The following DDHD2 variants were observed in gnomAD, a reference collection of about 807,000 sequenced individuals.
DDHD2 encodes the protein triacylglycerol hydrolase DDHD2.
Under a neutral mutation model 91.2 loss-of-function variants are expected in DDHD2, and 62 were observed. The ratio of observed to expected loss-of-function variants is 0.68; its 90% confidence interval spans 0.55 to 0.84. The LOEUF (loss-of-function observed/expected upper bound fraction) is 0.84, where lower values mean the gene tolerates loss of function less well. Ranked by LOEUF, DDHD2 falls within the 40% of genes least tolerant of loss-of-function variation. The probability of loss-of-function intolerance (pLI) is 0.00; values close to 1 mark genes in which losing one functional copy is unlikely to be tolerated. For synonymous variants in DDHD2, 271 were observed against 293.9 expected (o/e 0.92, Z 0.80); for missense variants, 740 against 846.9 (o/e 0.87, Z 1.57).
chr8:38,244,980 A>G (rs1472018874), intron 7 of DDHD2, among the ~76,000 whole-genome samples: 1 of 151,432 alleles, frequency 6.6e-6, no homozygotes, highest in Admixed American at 6.6e-5. Flanking sequence ...GTTGTCTATT[A>G]TATTTTTATA....
downstream of DDHD2, chr8:38,263,699 A>C (rs1010509525): frequency 1.0e-6 from 1 of 985,244 alleles, no homozygotes; most frequent in African/African-American, 1.7e-5. Context: ...AAACAGAATC[A>C]AAGTAATTTA....
chr8:38,253,064 C>G lies in DDHD2; in HGVS notation c.1828C>G (p.Gln610Glu). Residue 610 changes from glutamine to glutamate, a missense_variant, in exon 15 of 18, where the codon CAA becomes GAA. Coordinates refer to ENST00000397166, the MANE Select transcript of DDHD2 (RefSeq NM_015214.3). ...SFTRAPYPAL[Q>E]ASETPEETEA... Reference sequence around the variant, plus strand: ...TACCAGAGCTCCATACCCTGCCTTACAAGCTTCAGAAACACCAGAAGAAAC... The same window carrying G: ...TACCAGAGCTCCATACCCTGCCTTAGAAGCTTCAGAAACACCAGAAGAAAC... 2 of 1,614,182 alleles carry G rather than the reference C, an allele frequency of 1.2e-6. No homozygotes were observed. The highest frequency in any genetic ancestry group is 1.3e-5 in the African/African-American group (1 of 75,036).
chr8:38,233,322 A>G, intron 2 of DDHD2, 108 bp downstream of exon 2: 2 of 783,132 alleles, frequency 2.6e-6, no homozygotes, highest in South Asian at 1.9e-5. Context: ...AGATTTTTCC[A>G]GTTACATAAT....
intron 5 of DDHD2, among the ~76,000 whole-genome samples, chr8:38,239,579 C>T (rs1278988601): frequency 3.6e-5 from 5 of 138,150 alleles, no homozygotes; most frequent in African/African-American, 8.1e-5. Context: ...CCCAACTACT[C>T]GGGAGGCTGA....
chr8:38,264,842 T>A (rs1008638518), downstream of DDHD2: 19 of 1,594,448 alleles, frequency 1.2e-5, no homozygotes, highest in Non-Finnish European at 1.5e-5. Context: ...TAAGTAAGTA[T>A]AATAAGCTTT....
downstream of DDHD2, chr8:38,272,500 T>A (rs1011536266): frequency 6.6e-6 from 1 of 152,348 alleles, no homozygotes; most frequent in African/African-American, 2.4e-5. Context: ...CTTCTGATTC[T>A]TCCCTCGCAG....
At position 38,251,956 on chromosome 8, in the gene DDHD2, C is replaced by T. The variant is rs1806145723; in HGVS notation, c.1389C>T (p.Ile463=). 1 of 1,614,122 alleles carries T rather than the reference C, an allele frequency of 6.2e-7. No homozygotes were observed. The highest frequency in any genetic ancestry group is 1.7e-5 in the Admixed American group (1 of 60,010). The part of the protein sequence containing the change: ...PAPQPASGAN[I]PKESEFCSSS... Reference sequence around the variant, plus strand: ...CGCAGCCTGCTTCAGGGGCAAACATCCCCAAAGAATCTGAGTTCTGCAGTA... The same window carrying T: ...CGCAGCCTGCTTCAGGGGCAAACATTCCCAAAGAATCTGAGTTCTGCAGTA... The change falls in exon 12 of 18, where the codon ATC becomes ATT. Residue 463 remains isoleucine (I), a synonymous_variant. Transcript: ENST00000397166.
chr8:38,243,422 C>CT (rs1805390606), intron 7 of DDHD2, among the ~76,000 whole-genome samples: 1 of 152,002 alleles, frequency 6.6e-6, no homozygotes, highest in Non-Finnish European at 1.5e-5. Flanking sequence ...CAGGAAAAGC[C>CT]TTTTACATTT....
At chr8:38,252,068 G>C in intron 12 of DDHD2, 40 bp downstream of exon 12, 1 of 1,612,932 alleles carries the variant, frequency 6.2e-7, no homozygotes, top group Non-Finnish European at 8.5e-7. Flanking sequence ...CCTGCTATTT[G>C]TATGGTAGAA....
downstream of DDHD2, chr8:38,263,959 A>G: frequency 1.0e-6 from 1 of 985,628 alleles, no homozygotes; most frequent in Non-Finnish European, 1.2e-6. Context: ...GGCATACAGT[A>G]GTGGAAAAGA....
chr8:38,248,964 G>C (rs1805885901), intron 10 of DDHD2, among the ~76,000 whole-genome samples: 1 of 145,368 alleles, frequency 6.9e-6, no homozygotes, highest in African/African-American at 2.6e-5. Flanking sequence ...AAAAAAAAAC[G>C]ATGAGTGACA....
In DDHD2 at chr8:38,238,178, A is replaced by G. The variant is rs1193523017; in HGVS notation, c.591A>G (p.Gly197=). 2 of 1,613,660 alleles carry G rather than the reference A, an allele frequency of 1.2e-6. No homozygotes were observed. The highest frequency in any genetic ancestry group is 1.7e-6 in the Non-Finnish European group (2 of 1,179,700). The part of the protein sequence containing the change: ...EQGRPRTVKR[G]VENISVDIHC... ...GTCGACCAAGAACTGTGAAGAGAGG[A>G]GTTGAGAACATCTCTGTTGACATTC... is the stretch of plus-strand genomic sequence containing the variant. The change falls in exon 5 of 18, where the codon GGA becomes GGG. Residue 197 remains glycine, a synonymous_variant. Coordinates refer to ENST00000397166, the MANE Select transcript of DDHD2 (RefSeq NM_015214.3).
At position 38,252,276 on chromosome 8, in the gene DDHD2, A is replaced by C. The variant is rs749047442; in HGVS notation, c.1606A>C (p.Ile536Leu). ...TCCAACGTGCAAAGGTTTCTTCAAT[A>C]TTTATCACCCTGTAAGCATTGTACA... ...RFPTCKGFFN[I>L]YHPFDPVAYR... Residue 536 changes from isoleucine (I) to leucine (L), a missense_variant, in exon 13 of 18, where the codon ATT (isoleucine) becomes CTT (leucine). By Grantham distance (5) the Ile-to-Leu change is conservative. Around this residue, in one of 2 missense-constraint regions of DDHD2, gnomAD observed 693 missense variants for 764.2 expected, o/e 0.91. Coordinates refer to ENST00000397166, the MANE Select transcript of DDHD2 (RefSeq NM_015214.3). 2 of 1,613,168 alleles carry C rather than the reference A, an allele frequency of 1.2e-6. No homozygotes were observed. Among genetic ancestry groups the C allele is most frequent in the Non-Finnish European group, 8.5e-7 (1 of 1,179,696 alleles).
At chr8:38,235,610 A>C (rs1295903958) in intron 3 of DDHD2, among the ~76,000 whole-genome samples, 1 of 151,422 alleles carries the variant, frequency 6.6e-6, no homozygotes, top group African/African-American at 2.4e-5. Context: ...AATCCCAGCT[A>C]CTTGGGAGGC....
chr8:38,267,173 AGAG>A, downstream of DDHD2: 1 of 1,607,572 alleles, frequency 6.2e-7, no homozygotes, highest in East Asian at 2.2e-5. Flanking sequence ...TGTAGAAACA[AGAG>A]TAGTCAGATT....
chr8:38,268,548 A>C (rs1294000356), intron 1 of DDHD2: 2 of 1,523,616 alleles, frequency 1.3e-6, no homozygotes, highest in Admixed American at 4.0e-5. Flanking sequence ...ACACAGCAGG[A>C]CTCACTGGAG....
rs1806229584 is a variant in DDHD2, at chr8:38,252,964, A to G, written c.1728A>G (p.Arg576=). 8.7e-6 allele frequency: 14 copies of G among 1,613,834 alleles called. No homozygotes were observed. The highest frequency in any genetic ancestry group is 4.0e-5 in the African/African-American group (3 of 74,910). Residue 576 remains arginine (R), a synonymous_variant, in exon 15 of 18, where the codon AGA becomes AGG. Coordinates refer to ENST00000397166, the MANE Select transcript of DDHD2 (RefSeq NM_015214.3). ...KGRKRMHLEL[R]EGLTRMSMDL... The stretch of plus-strand genomic sequence containing the variant: ...TTTATTTATATGTTTCAGAACTGAG[A>G]GAGGGCTTGACCAGGATGAGTATGG...
downstream of DDHD2, chr8:38,266,288 C>T: frequency 6.2e-7 from 1 of 1,613,330 alleles, no homozygotes; most frequent in Non-Finnish European, 8.5e-7. Flanking sequence ...TAGAAGGACG[C>T]AAAGGCCAGA....
intron 1 of DDHD2, chr8:38,267,958 C>T (rs554092239): frequency 6.2e-7 from 1 of 1,613,924 alleles, no homozygotes; most frequent in Admixed American, 1.7e-5. Context: ...GCAAGGCTGG[C>T]AGCTGCAAAG....
Sources: gnomAD v4.1 joint callset for allele counts (sites outside exome capture counted in the v4.1 genomes callset) on GRCh38, gnomAD v4.1.1 for gene constraint, gnomAD v4.1.1 regional missense constraint, MANE v1.5 for transcripts, NCBI Gene and HGNC (gene_info 2026-07-23, HGNC 2026-07-21) for gene names.